Variants in MYMX observed in about 807,000 individuals in gnomAD.
MYMX encodes protein myomixer.
At chr6:44,217,289 C>A (rs1274613557) in intron 1 of MYMX, among the ~76,000 whole-genome samples, 161 bp from the exon 2 acceptor site, 1 of 152,076 alleles carries the variant, frequency 6.6e-6, no homozygotes, top group African/African-American at 2.4e-5. Context: ...AGCTGCCTTG[C>A]CAAGAGAAAG....
the MYMX span, among the ~76,000 whole-genome samples, chr6:44,203,991 G>A: frequency 6.6e-6 from 1 of 152,098 alleles, no homozygotes; most frequent in Non-Finnish European, 1.5e-5. Flanking sequence ...GGGATTACAG[G>A]CACGCATCGC....
chr6:44,199,499 C>T, the MYMX span, among the ~76,000 whole-genome samples: 1 of 152,034 alleles, frequency 6.6e-6, no homozygotes, highest in Non-Finnish European at 1.5e-5. Flanking sequence ...CGCCTGGCCC[C>T]CCTCTTCTTT....
chr6:44,215,069 A>G (rs116541549), upstream of MYMX, among the ~76,000 whole-genome samples: 1,209 of 152,264 alleles, frequency 7.9e-3, 10 homozygotes, highest in African/African-American at 0.027. Context: ...TAGAAGTGGG[A>G]CAGGCCTTTT....
the MYMX span, among the ~76,000 whole-genome samples, chr6:44,211,923 G>A: frequency 6.6e-6 from 1 of 151,918 alleles, no homozygotes. Context: ...GGGATTACCC[G>A]TGAGAGCCAT....
upstream of MYMX, among the ~76,000 whole-genome samples, chr6:44,211,976 A>C (rs2128329535): frequency 6.6e-6 from 1 of 152,108 alleles, no homozygotes; most frequent in East Asian, 1.9e-4. Context: ...GGATTTTGCT[A>C]TGTTGGCTGG....
chr6:44,202,060 G>A, the MYMX span, among the ~76,000 whole-genome samples: 1 of 152,154 alleles, frequency 6.6e-6, no homozygotes, highest in Non-Finnish European at 1.5e-5. Context: ...GCGCCTGGGT[G>A]GAGACATGCA....
chr6:44,195,462 ATT>A, the MYMX span, among the ~76,000 whole-genome samples: 3 of 148,356 alleles, frequency 2.0e-5, no homozygotes, highest in African/African-American at 7.4e-5. Context: ...CTATGCTGTA[ATT>A]TTTTTTTTAT....
the MYMX span, among the ~76,000 whole-genome samples, chr6:44,207,385 C>A: frequency 2.0e-5 from 3 of 152,158 alleles, no homozygotes; most frequent in Non-Finnish European, 1.5e-5. Flanking sequence ...GTGATCCACC[C>A]GCCTTGGCCT....
At chr6:44,210,196 T>G in the MYMX span, 1 of 152,050 alleles carries the variant, frequency 6.6e-6, no homozygotes, top group South Asian at 2.1e-4. Flanking sequence ...CTGCCCACCT[T>G]GGCCTCCCAA....
chr6:44,194,441 T>C, the MYMX span, among the ~76,000 whole-genome samples: 3 of 152,306 alleles, frequency 2.0e-5, no homozygotes, highest in South Asian at 4.1e-4. Flanking sequence ...TGGGCCATGA[T>C]GCAGGGAGCA....
chr6:44,203,878 C>T, the MYMX span, among the ~76,000 whole-genome samples: 1 of 152,116 alleles, frequency 6.6e-6, no homozygotes, highest in East Asian at 1.9e-4. Context: ...GACAGAGTCT[C>T]GCTCTGTCAC....
chr6:44,205,045 A>G, the MYMX span, among the ~76,000 whole-genome samples: 1 of 152,072 alleles, frequency 6.6e-6, no homozygotes, highest in Non-Finnish European at 1.5e-5. Context: ...TGATTTGGCC[A>G]ACGGGTGAGC....
At chr6:44,193,300 G>A in the MYMX span, among the ~76,000 whole-genome samples, 4 of 151,464 alleles carry the variant, frequency 2.6e-5, no homozygotes, top group African/African-American at 4.9e-5. Flanking sequence ...ATAGAGTCTC[G>A]CTCTGTCACC....
the MYMX span, among the ~76,000 whole-genome samples, chr6:44,204,669 A>C: frequency 6.6e-6 from 1 of 152,154 alleles, no homozygotes; most frequent in Non-Finnish European, 1.5e-5. Flanking sequence ...TTACATAGCA[A>C]GGCACACTTT....
chr6:44,210,826 C>G, the MYMX span, among the ~76,000 whole-genome samples: 3 of 152,108 alleles, frequency 2.0e-5, no homozygotes, highest in Non-Finnish European at 4.4e-5. Flanking sequence ...TGTCCTTTGC[C>G]ACTTCAAAAT....
the MYMX span, among the ~76,000 whole-genome samples, chr6:44,209,265 C>T: frequency 7.9e-5 from 12 of 151,990 alleles, no homozygotes; most frequent in Admixed American, 5.9e-4. Context: ...TACCTGGCTT[C>T]GTGCTCTTAA....
the MYMX span, among the ~76,000 whole-genome samples, chr6:44,207,955 C>T: frequency 0.011 from 1,708 of 152,246 alleles, 37 homozygotes; most frequent in African/African-American, 0.039. Flanking sequence ...TGATCAAGTG[C>T]AGTGGCTTAC....
the MYMX span, among the ~76,000 whole-genome samples, chr6:44,201,371 G>C: frequency 6.6e-6 from 1 of 152,080 alleles, no homozygotes; most frequent in Admixed American, 6.6e-5. Context: ...CTCCCCACCT[G>C]CTCCTTGGTA....
the MYMX span, among the ~76,000 whole-genome samples, chr6:44,208,166 G>C: frequency 1.5e-4 from 22 of 151,334 alleles, no homozygotes; most frequent in Middle Eastern, 3.4e-3. Context: ...AGGATCGCTG[G>C]AGCCCAGGAG....
Sources: gnomAD v4.1 joint callset for allele counts (sites outside exome capture counted in the v4.1 genomes callset) on GRCh38, gnomAD v4.1.1 for gene constraint, MANE v1.5 for transcripts, NCBI Gene and HGNC (gene_info 2026-07-23, HGNC 2026-07-21) for gene names.